The following EPB41L5 variants were observed in gnomAD, a reference collection of about 807,000 sequenced individuals.
EPB41L5 encodes the protein erythrocyte membrane protein band 4.1 like 5, also known as band 4.1-like protein 5.
EPB41L5 carries 55 observed loss-of-function variants against 106.6 expected under a neutral mutation model. The observed-to-expected ratio is 0.52, with a 90% CI of 0.42 to 0.65. EPB41L5 has a LOEUF of 0.65. EPB41L5 is among the 30% of genes least tolerant of loss of function. The pLI is 0.00. For synonymous variants in EPB41L5, 297 were observed against 306.7 expected (o/e 0.97, Z 0.33); for missense variants, 871 against 882.1 (o/e 0.99, Z 0.16).
intron 2 of EPB41L5, among the ~76,000 whole-genome samples, chr2:120,025,617 A>T (rs1678253438): frequency 6.6e-6 from 1 of 152,190 alleles, no homozygotes; most frequent in African/African-American, 2.4e-5. Context: ...GCTTTAAATT[A>T]TGTAAGACTG....
intron 24 of EPB41L5, among the ~76,000 whole-genome samples, chr2:120,174,558 C>T (rs1019792978): frequency 1.3e-5 from 2 of 151,930 alleles, no homozygotes; most frequent in African/African-American, 4.8e-5. Context: ...CTCATACTAA[C>T]CCTGACTCAT....
rs561154004 is a variant in EPB41L5 at position 120,142,060 on chromosome 2, C to T, written c.1600-943C>T. ...CGTGATTCTAGGAGTTGTCAAGATT[C>T]TTCTCTTTCTTCATCCCTCCTCTCT... On this transcript the variant is annotated intron_variant, in intron 18 of 24. Coordinates refer to ENST00000263713, the MANE Select transcript of EPB41L5 (RefSeq NM_020909.4). Among the ~76,000 whole-genome samples, 101 of 147,198 alleles carry T rather than the reference C, an allele frequency of 6.9e-4. 1 individual carries two copies. Among genetic ancestry groups the T allele is most frequent in the African/African-American group, 2.2e-3 (87 of 39,420 alleles).
intron 2 of EPB41L5, among the ~76,000 whole-genome samples, chr2:120,036,719 G>A (rs1679062972): frequency 6.6e-6 from 1 of 151,954 alleles, no homozygotes; most frequent in Admixed American, 6.6e-5. Flanking sequence ...GAAAATACTA[G>A]GTATAAGAAG....
At chr2:120,075,972 C>T (rs886236464) in intron 7 of EPB41L5, among the ~76,000 whole-genome samples, 2 of 152,282 alleles carry the variant, frequency 1.3e-5, no homozygotes, top group African/African-American at 4.8e-5. Flanking sequence ...AGTGTTGAAA[C>T]GTCATACTCT....
chr2:120,121,209 A>G (rs1034961974), intron 16 of EPB41L5, among the ~76,000 whole-genome samples: 1 of 152,144 alleles, frequency 6.6e-6, no homozygotes, highest in Admixed American at 6.6e-5. Context: ...CAAAATTTAT[A>G]TATTTTTTAT....
intron 22 of EPB41L5, among the ~76,000 whole-genome samples, 159 bp downstream of exon 22, chr2:120,165,069 A>G (rs947096698): frequency 2.0e-5 from 3 of 152,194 alleles, no homozygotes; most frequent in Admixed American, 2.0e-4. Context: ...TCTGTCCTAA[A>G]ATTTTACCAC....
intron 3 of EPB41L5, among the ~76,000 whole-genome samples, chr2:120,069,128 CAAAAA>C (rs539813602): frequency 2.5e-5 from 2 of 79,554 alleles, no homozygotes; most frequent in African/African-American, 1.2e-4. Flanking sequence ...AACTCTGTCT[CAAAAA>C]AAAAAAAAAA....
At chr2:120,156,664 G>A (rs943587595) in intron 20 of EPB41L5, among the ~76,000 whole-genome samples, 1 of 152,122 alleles carries the variant, frequency 6.6e-6, no homozygotes, top group Non-Finnish European at 1.5e-5. Context: ...AACCACCCCT[G>A]CCTGCAGTGC....
intron 3 of EPB41L5, among the ~76,000 whole-genome samples, chr2:120,048,506 T>C (rs1329690273): frequency 6.6e-6 from 1 of 152,174 alleles, no homozygotes; most frequent in African/African-American, 2.4e-5. Context: ...AGTGGTGATA[T>C]CCCCTTTATC....
At chr2:120,095,869 C>T (rs1009482117) in intron 14 of EPB41L5, among the ~76,000 whole-genome samples, 1 of 151,986 alleles carries the variant, frequency 6.6e-6, no homozygotes, top group Non-Finnish European at 1.5e-5. Context: ...AGGATTTCAC[C>T]ATGTTGGCCA....
intron 16 of EPB41L5, among the ~76,000 whole-genome samples, chr2:120,121,056 G>A (rs560062377): frequency 1.4e-3 from 209 of 151,814 alleles, no homozygotes; most frequent in Non-Finnish European, 2.1e-3. Flanking sequence ...GGCAGAGGCC[G>A]CAGTGAGCCA....
chr2:120,113,222 A>G (rs566787716), intron 16 of EPB41L5, among the ~76,000 whole-genome samples: 12 of 152,366 alleles, frequency 7.9e-5, no homozygotes, highest in East Asian at 1.9e-4. Context: ...TGTGAAAGCA[A>G]CCAAATCATG....
intron 14 of EPB41L5, among the ~76,000 whole-genome samples, chr2:120,094,300 T>A (rs1683606710): frequency 6.6e-6 from 1 of 152,162 alleles, no homozygotes. Context: ...CCGGATTCTC[T>A]TTTTCTTCTT....
chr2:120,102,521 C>A (rs1684210440), intron 16 of EPB41L5, among the ~76,000 whole-genome samples: 1 of 152,050 alleles, frequency 6.6e-6, no homozygotes, highest in Non-Finnish European at 1.5e-5. Context: ...GCATTTCATT[C>A]TTTTTTCTGC....
chr2:120,113,107 A>G (rs1215857062), intron 16 of EPB41L5, among the ~76,000 whole-genome samples: 1 of 152,240 alleles, frequency 6.6e-6, no homozygotes. Flanking sequence ...CCTCCATTCT[A>G]TGTAATTGTT....
chr2:120,020,249 A>G (rs190017259), intron 2 of EPB41L5, among the ~76,000 whole-genome samples: 1 of 152,314 alleles, frequency 6.6e-6, no homozygotes, highest in East Asian at 1.9e-4. Context: ...GGGCAAAGTG[A>G]TAGCCTACGT....
chr2:120,052,101 A>G (rs1024438265), intron 3 of EPB41L5, among the ~76,000 whole-genome samples: 2 of 152,174 alleles, frequency 1.3e-5, no homozygotes, highest in East Asian at 3.8e-4. Flanking sequence ...CTGGGACTAC[A>G]GGTGTGAGCC....
At chr2:120,073,388 G>A (rs1255371628) in intron 4 of EPB41L5, among the ~76,000 whole-genome samples, 168 bp downstream of exon 4, 1 of 152,064 alleles carries the variant, frequency 6.6e-6, no homozygotes, top group Admixed American at 6.6e-5. Flanking sequence ...AAGTCATGTA[G>A]GCTTGATACT....
At chr2:120,022,512 C>T (rs995462605) in intron 2 of EPB41L5, among the ~76,000 whole-genome samples, 1 of 152,190 alleles carries the variant, frequency 6.6e-6, no homozygotes, top group African/African-American at 2.4e-5. Context: ...AGGACGTGAA[C>T]TCATCCTTTT....
Sources: gnomAD v4.1 joint callset for allele counts (sites outside exome capture counted in the v4.1 genomes callset) on GRCh38, gnomAD v4.1.1 for gene constraint, MANE v1.5 for transcripts, NCBI Gene and HGNC (gene_info 2026-07-23, HGNC 2026-07-21) for gene names.